KIF23: variants seen among roughly 807,000 people sequenced by gnomAD.
KIF23 encodes kinesin-like protein KIF23.
Under a neutral mutation model 137.5 loss-of-function variants are expected in KIF23, and 30 were observed. That is an observed-to-expected ratio of 0.22 (90% CI 0.16 to 0.30). The LOEUF is 0.30. KIF23 is among the 10% of genes least tolerant of loss of function. The pLI is 1.00. For missense variants in KIF23, 920 were observed against 1,194.3 expected (o/e 0.77, Z 3.38); for synonymous variants, 367 against 391.1 (o/e 0.94, Z 0.73).
At position 69,429,147 on chromosome 15, in the gene KIF23, G is replaced by T. The variant is rs1250320928; in HGVS notation, c.1048G>T (p.Val350Leu). The T allele has an allele frequency of 1.2e-6, 2 of 1,613,330 alleles. No homozygotes were observed. Among genetic ancestry groups the T allele is most frequent in the East Asian group, 4.5e-5 (2 of 44,878 alleles). ...AATCACTATAAGTCAGTTGTCCTTG[G>T]TAGATCTTGCTGGAAGTGAAAGAAC... Reference protein sequence around the residue: ...EQITISQLSLVDLAGSERTNR... With the variant: ...EQITISQLSLLDLAGSERTNR... Residue 350 changes from valine to leucine, a missense_variant, in exon 11 of 24, where the codon GTA becomes TTA. This residue lies in a region of KIF23 where 714 missense variants were observed against 866.2 expected (regional missense o/e 0.82). Transcript: ENST00000679126.
intron 5 of KIF23, 27 bp from the exon 6 acceptor site, chr15:69,422,299 A>C: frequency 8.5e-7 from 1 of 1,182,746 alleles, no homozygotes; most frequent in Middle Eastern, 2.1e-4. Flanking sequence ...ACGTGGTGTG[A>C]TTTTTTTTTT....
chr15:69,439,998 A>G lies in KIF23; in HGVS notation c.1850A>G (p.Gln617Arg). The change falls in exon 17 of 24, where the codon CAG (glutamine) becomes CGG (arginine). Residue 617 changes from glutamine to arginine, a missense_variant. Around this residue, in one of 4 missense-constraint regions of KIF23, gnomAD observed 714 missense variants for 866.2 expected, o/e 0.82. Transcript: ENST00000679126. ...LETQNQKLQR[Q>R]FSDKRRLEAR... ...ACTCAGAACCAGAAACTTCAGCGAC[A>G]GTTTTCTGACAAACGCAGATTAGAA... The G allele has an allele frequency of 6.2e-7, 1 of 1,614,134 alleles. No homozygotes were observed. Among genetic ancestry groups the G allele is most frequent in the Non-Finnish European group, 8.5e-7 (1 of 1,180,034 alleles).
At chr15:69,430,014 A>AC (rs2057314879) in intron 11 of KIF23, among the ~76,000 whole-genome samples, 2 of 100,276 alleles carry the variant, frequency 2.0e-5, no homozygotes, top group African/African-American at 5.1e-5. Flanking sequence ...ACCTGTCTCA[A>AC]AAACAACAAC....
At chr15:69,416,381 G>A (rs941425720) in intron 2 of KIF23, among the ~76,000 whole-genome samples, 3 of 152,136 alleles carry the variant, frequency 2.0e-5, no homozygotes, top group African/African-American at 7.2e-5. Flanking sequence ...TATGAACTGA[G>A]TTCATGCCAT....
Position 69,429,204 on chromosome 15 carries a change from C to T in KIF23, c.1105C>T (p.Arg369Cys), listed in dbSNP as rs776621961. Reference sequence around the variant, plus strand: ...GACCAGAGCAGAAGGGAACAGATTACGTGAAGCTGGTGAGTAAAGCATGGT... The same window carrying T: ...GACCAGAGCAGAAGGGAACAGATTATGTGAAGCTGGTGAGTAAAGCATGGT... The part of the protein sequence containing the change: ...NRTRAEGNRL[R>C]EAGNINQSLM... The change falls in exon 11 of 24, where the codon CGT becomes TGT. Residue 369 changes from arginine (R) to cysteine (C), a missense_variant. By Grantham distance (180) the Arg-to-Cys change is radical. Around this residue, in one of 4 missense-constraint regions of KIF23, gnomAD observed 714 missense variants for 866.2 expected, o/e 0.82. Coordinates refer to ENST00000679126, the MANE Select transcript of KIF23 (RefSeq NM_001367805.3). 28 of 1,608,530 alleles carry T rather than the reference C, an allele frequency of 1.7e-5. No homozygotes were observed.
intron 11 of KIF23, chr15:69,434,861 G>A (rs1473229713): frequency 6.4e-6 from 5 of 782,140 alleles, no homozygotes; most frequent in Admixed American, 2.1e-5. Context: ...AGCTGCTCAC[G>A]TAGTCCATAG....
In KIF23 at chr15:69,439,774, GAA is replaced by G. The variant is rs2057569597; in HGVS notation, c.1756-125_1756-124del. 5.2e-6 allele frequency: 3 copies of G among 573,874 alleles called. No homozygotes were observed. The East Asian group carries it at 1.0e-4, about 19-fold the overall frequency. 35.5% of individuals were successfully genotyped at this position (573,874 alleles called of 1,614,324 possible). ...GTGGGAATTCAGATGAAATGTTAGAGAAAAAAGTGCTTTCTCCATGATGTTTC... is the reference window on the plus strand; with the variant it reads ...GTGGGAATTCAGATGAAATGTTAGAGAAAAGTGCTTTCTCCATGATGTTTC... On this transcript the variant is annotated intron_variant, in intron 16 of 23. Transcript: ENST00000679126.
chr15:69,445,602 A>C (rs2057724300), intron 20 of KIF23, among the ~76,000 whole-genome samples: 1 of 151,454 alleles, frequency 6.6e-6, no homozygotes, highest in Admixed American at 6.6e-5. Flanking sequence ...TTTTGTTCTT[A>C]TTATAATTAG....
In KIF23 at chr15:69,435,437, C is replaced by G. The variant is rs558053433; in HGVS notation, c.1115-46C>G. On this transcript the variant is annotated intron_variant, in intron 11 of 23. Transcript: ENST00000679126. The stretch of plus-strand genomic sequence containing the variant: ...AGGCAAACAGAACACACTTTAGCTA[C>G]TATACTGTTGTTCTGAAATGGCGTC... 88 of 1,437,846 alleles carry G rather than the reference C, an allele frequency of 6.1e-5. No individual in the cohort carries two copies. In the Admixed American group the frequency reaches 6.3e-4, roughly 10 times the overall value. 89.1% of individuals were successfully genotyped at this position (1,437,846 alleles called of 1,614,324 possible). A position where few individuals can be genotyped will look rare whatever the true frequency, so the allele number is the denominator to read the frequency against.
chr15:69,424,798 A>G (rs1034293538), intron 7 of KIF23, among the ~76,000 whole-genome samples: 15 of 152,208 alleles, frequency 9.9e-5, no homozygotes, highest in African/African-American at 3.4e-4. Context: ...GTGAGCCACC[A>G]TGCCTGGCCT....
At position 69,448,084 on chromosome 15, in the gene KIF23, TG is replaced by T. The variant is rs761065091; in HGVS notation, c.*278del. 8.4e-5 allele frequency: 22 copies of T among 260,752 alleles called. No individual in the cohort carries two copies. Among genetic ancestry groups the T allele is most frequent in the East Asian group, 1.3e-4 (2 of 15,244 alleles). 16.2% of individuals were successfully genotyped at this position (260,752 alleles called of 1,614,324 possible). A position where few individuals can be genotyped will look rare whatever the true frequency, so the allele number is the denominator to read the frequency against. ...TCATCACTGTATGAATTTTTTATAA[TG>T]TTTTTTTAAAATATATTTCATGTAT... is the stretch of plus-strand genomic sequence containing the variant. On this transcript the variant is annotated 3_prime_UTR_variant, in exon 24 of 24. Transcript: ENST00000679126.
chr15:69,445,859 T>C, intron 20 of KIF23, 150 bp from the exon 21 acceptor site: 1 of 572,810 alleles, frequency 1.7e-6, no homozygotes, highest in Non-Finnish European at 3.1e-6. Context: ...ATTATTTTGA[T>C]AGTACGTACT....
chr15:69,440,551 ATTTC>A lies in KIF23; in HGVS notation c.2109+66_2109+69del, dbSNP rs370568384. 4.2e-4 allele frequency: 584 copies of A among 1,406,978 alleles called. No individual in the cohort carries two copies. The African/African-American group carries it at 7.9e-3, about 19-fold the overall frequency. The allele number at this position is 1,406,978 out of a possible 1,614,324, so 87.2% of individuals were successfully genotyped here. A position where few individuals can be genotyped will look rare whatever the true frequency, so the allele number is the denominator to read the frequency against. On this transcript the variant is annotated intron_variant, in intron 18 of 23. Coordinates refer to ENST00000679126, the MANE Select transcript of KIF23 (RefSeq NM_001367805.3). ...GAAATTTTGTTCAGATTAGATGACT[ATTTC>A]TATGAGGATTTTTACATTTTATAAT...
chr15:69,423,736 T>G (rs1378066895), intron 7 of KIF23, among the ~76,000 whole-genome samples: 1 of 152,226 alleles, frequency 6.6e-6, no homozygotes, highest in Non-Finnish European at 1.5e-5. Context: ...AGCCTAAAGC[T>G]GTTATCTATA....
chr15:69,431,025 G>A (rs1167023729), intron 11 of KIF23, among the ~76,000 whole-genome samples: 1 of 152,146 alleles, frequency 6.6e-6, no homozygotes, highest in Non-Finnish European at 1.5e-5. Context: ...TTTACCAGGA[G>A]CGAGCCTAAA....
intron 11 of KIF23, chr15:69,434,801 C>T (rs976264253): frequency 1.8e-5 from 18 of 1,021,852 alleles, no homozygotes; most frequent in East Asian, 7.5e-5. Context: ...GCCCCTTCTT[C>T]TTGCACTCAT....
chr15:69,436,479 TG>T, intron 14 of KIF23, 84 bp from the exon 15 acceptor site: 1 of 1,262,500 alleles, frequency 7.9e-7, no homozygotes. Context: ...TTAGTTGCAC[TG>T]GGGCTGTATG....
intron 4 of KIF23, 102 bp downstream of exon 4, chr15:69,421,854 C>A: frequency 7.8e-7 from 1 of 1,283,590 alleles, no homozygotes; most frequent in Non-Finnish European, 1.1e-6. Context: ...GGTGTTGAAT[C>A]CATATTTAAT....
At chr15:69,430,929 TTG>T (rs1420489652) in intron 11 of KIF23, among the ~76,000 whole-genome samples, 1 of 152,202 alleles carries the variant, frequency 6.6e-6, no homozygotes, top group Middle Eastern at 3.2e-3. Flanking sequence ...CTCTCATAGC[TTG>T]TGTCTTTATA....
Sources: gnomAD v4.1 joint callset for allele counts (sites outside exome capture counted in the v4.1 genomes callset) on GRCh38, gnomAD v4.1.1 for gene constraint, gnomAD v4.1.1 regional missense constraint, MANE v1.5 for transcripts, NCBI Gene and HGNC (gene_info 2026-07-23, HGNC 2026-07-21) for gene names.